The following PCP4 variants were observed in gnomAD, a reference collection of about 807,000 sequenced individuals.
PCP4 encodes calmodulin regulator protein PCP4.
PCP4 carries 8 observed loss-of-function variants against 10.0 expected under a neutral mutation model. The observed-to-expected ratio is 0.80, with a 90% CI of 0.47 to 1.45. The LOEUF is 1.45. Ranked by LOEUF, PCP4 falls within the 40% of genes most tolerant of loss-of-function variation. The probability of loss-of-function intolerance (pLI) is 0.00; values close to 1 mark genes in which losing one functional copy is unlikely to be tolerated. For synonymous variants in PCP4, 21 were observed against 23.0 expected (o/e 0.91, Z 0.24); for missense variants, 54 against 74.4 (o/e 0.73, Z 1.01).
intron 1 of PCP4, among the ~76,000 whole-genome samples, chr21:39,885,024 C>A (rs148710069): frequency 1.3e-5 from 2 of 152,148 alleles, no homozygotes; most frequent in African/African-American, 4.8e-5. Flanking sequence ...CATAGTGCGA[C>A]AGTTTATAAA....
chr21:39,895,616 C>G (rs1410372941), intron 1 of PCP4, among the ~76,000 whole-genome samples: 1 of 152,240 alleles, frequency 6.6e-6, no homozygotes, highest in Non-Finnish European at 1.5e-5. Context: ...GCAAATTCCT[C>G]TCTGTGCCTC....
chr21:39,907,416 G>T (rs907330264), intron 2 of PCP4, among the ~76,000 whole-genome samples: 1 of 152,186 alleles, frequency 6.6e-6, no homozygotes, highest in Admixed American at 6.5e-5. Flanking sequence ...AGAATCCCAG[G>T]GAGGCCTATC....
intron 1 of PCP4, among the ~76,000 whole-genome samples, chr21:39,872,759 G>A (rs1301597241): frequency 6.6e-6 from 1 of 152,174 alleles, no homozygotes; most frequent in Non-Finnish European, 1.5e-5. Context: ...GGATTTATCA[G>A]TTGCTGTAAT....
intron 1 of PCP4, among the ~76,000 whole-genome samples, chr21:39,888,849 T>C (rs1180018353): frequency 1.3e-5 from 2 of 152,338 alleles, no homozygotes; most frequent in Non-Finnish European, 2.9e-5. Flanking sequence ...GGTACCTGTC[T>C]GACCCTGTAC....
At chr21:39,923,431 A>G (rs1262725493) in intron 2 of PCP4, among the ~76,000 whole-genome samples, 2 of 152,210 alleles carry the variant, frequency 1.3e-5, no homozygotes, top group African/African-American at 4.8e-5. Flanking sequence ...TGGAGAGCCC[A>G]CTATTTGTTG....
At chr21:39,869,404 A>G (rs1323286884) in intron 1 of PCP4, among the ~76,000 whole-genome samples, 2 of 152,240 alleles carry the variant, frequency 1.3e-5, no homozygotes, top group African/African-American at 2.4e-5. Flanking sequence ...CCGCCCCGCC[A>G]TGGCGCTTAT....
At chr21:39,911,805 C>T (rs1014784001) in intron 2 of PCP4, among the ~76,000 whole-genome samples, 2 of 152,200 alleles carry the variant, frequency 1.3e-5, no homozygotes, top group African/African-American at 4.8e-5. Flanking sequence ...AAATTATAAT[C>T]CAGACTTGTT....
At chr21:39,882,381 A>G (rs902612828) in intron 1 of PCP4, among the ~76,000 whole-genome samples, 1 of 152,134 alleles carries the variant, frequency 6.6e-6, no homozygotes, top group Admixed American at 6.5e-5. Flanking sequence ...GCGGCATTTC[A>G]TCCTGTGGTC....
rs552971410 is a variant in PCP4 at position 39,912,123 on chromosome 21, A to G, written c.61+13596A>G. Among the ~76,000 whole-genome samples the G allele has an allele frequency of 2.6e-5, 4 of 152,154 alleles. No homozygotes were observed. The East Asian group carries it at 5.8e-4, about 22-fold the overall frequency. On this transcript the variant is annotated intron_variant, in intron 2 of 2. Coordinates refer to ENST00000328619, the MANE Select transcript of PCP4 (RefSeq NM_006198.3). ...TAGACATTTTTTTTTCTAACATTCT[A>G]TCTAAATTTGTTTCTTGACATCAGT...
chr21:39,918,124 C>A lies in PCP4; in HGVS notation c.62-10860C>A, dbSNP rs940586507. 5.3e-5 allele frequency among the ~76,000 whole-genome samples: 8 copies of A among 152,334 alleles called. No individual in the cohort carries two copies. The East Asian group carries it at 1.5e-3, about 29-fold the overall frequency. ...AGTGACCCCGTGTGTGATACTTTGT[C>A]ATGATAGCCTAAGCAATTCATACAA... is the stretch of plus-strand genomic sequence containing the variant. On this transcript the variant is annotated intron_variant, in intron 2 of 2. Transcript: ENST00000328619.
At chr21:39,892,139 C>G (rs1205408596) in intron 1 of PCP4, among the ~76,000 whole-genome samples, 1 of 152,228 alleles carries the variant, frequency 6.6e-6, no homozygotes, top group Non-Finnish European at 1.5e-5. Context: ...AAGGAGCCCT[C>G]AAGCGGCCCC....
intron 2 of PCP4, among the ~76,000 whole-genome samples, chr21:39,905,265 TCAAAA>T (rs2087501296): frequency 3.3e-5 from 5 of 149,360 alleles, no homozygotes; most frequent in African/African-American, 1.2e-4. Flanking sequence ...AAAAAAAAAA[TCAAAA>T]CAAAAGTGAC....
At chr21:39,908,956 C>T (rs1303337931) in intron 2 of PCP4, among the ~76,000 whole-genome samples, 1 of 152,132 alleles carries the variant, frequency 6.6e-6, no homozygotes, top group South Asian at 2.1e-4. Flanking sequence ...TGAGAAATGA[C>T]CATCTCCTTA....
chr21:39,876,283 C>T (rs987419098), intron 1 of PCP4, among the ~76,000 whole-genome samples: 2 of 152,154 alleles, frequency 1.3e-5, no homozygotes, highest in Non-Finnish European at 2.9e-5. Flanking sequence ...TTACCCCGCC[C>T]CTATCCTCTG....
At chr21:39,926,389 G>A (rs56394415) in intron 2 of PCP4, among the ~76,000 whole-genome samples, 13 of 151,930 alleles carry the variant, frequency 8.6e-5, no homozygotes, top group Middle Eastern at 3.2e-3. Context: ...TAATATTGCC[G>A]CTTTCTTCCA....
intron 1 of PCP4, among the ~76,000 whole-genome samples, chr21:39,868,400 GA>G (rs2087304191): frequency 6.6e-6 from 1 of 152,170 alleles, no homozygotes; most frequent in Non-Finnish European, 1.5e-5. Context: ...AACAACTTCA[GA>G]AATAAAATGC....
At chr21:39,875,084 C>T (rs1251105745) in intron 1 of PCP4, among the ~76,000 whole-genome samples, 2 of 152,126 alleles carry the variant, frequency 1.3e-5, no homozygotes, top group African/African-American at 2.4e-5. Context: ...ACTCAAACCT[C>T]AGAAAGTGAA....
At chr21:39,882,889 A>G (rs984392934) in intron 1 of PCP4, among the ~76,000 whole-genome samples, 1 of 152,204 alleles carries the variant, frequency 6.6e-6, no homozygotes, top group African/African-American at 2.4e-5. Context: ...AATCTCTTCT[A>G]TTCTTCTCTG....
At chr21:39,921,992 G>C (rs2087598739) in intron 2 of PCP4, among the ~76,000 whole-genome samples, 1 of 152,152 alleles carries the variant, frequency 6.6e-6, no homozygotes, top group Admixed American at 6.5e-5. Context: ...GCATTTTTCT[G>C]TTCTTTGGAT....
Sources: allele counts gnomAD v4.1 joint callset (sites outside exome capture counted in the v4.1 genomes callset), GRCh38; gene constraint gnomAD v4.1.1; transcripts MANE v1.5; gene names NCBI Gene and HGNC (gene_info 2026-07-23, HGNC 2026-07-21).